The following CEP85L variants were observed in gnomAD, a reference collection of about 807,000 sequenced individuals.
CEP85L encodes centrosomal protein 85L, also known as centrosomal protein of 85 kDa-like.
In CEP85L, 60 loss-of-function variants were observed where a neutral mutation model predicts 100.3. The observed-to-expected ratio is 0.60, with a 90% CI of 0.49 to 0.74. CEP85L has a LOEUF of 0.74. CEP85L is among the 30% of genes least tolerant of loss of function. The probability of loss-of-function intolerance (pLI) is 0.00; values close to 1 mark genes in which losing one functional copy is unlikely to be tolerated. For missense variants in CEP85L, 973 were observed against 936.2 expected, an observed-to-expected ratio of 1.04 and a Z score of -0.51; for synonymous variants, 319 against 322.7, an observed-to-expected ratio of 0.99 and a Z score of 0.12.
At chr6:118,627,900 C>T (rs1169490221) in intron 2 of CEP85L, among the ~76,000 whole-genome samples, 2 of 152,078 alleles carry the variant, frequency 1.3e-5, no homozygotes, top group East Asian at 1.9e-4. Flanking sequence ...TCTAGTCTTC[C>T]GGGTGGTTAA....
chr6:118,469,442 A>G (rs772766278), intron 11 of CEP85L, 139 bp from the exon 12 acceptor site: 1 of 623,784 alleles, frequency 1.6e-6, no homozygotes, highest in Non-Finnish European at 2.8e-6. Flanking sequence ...AAATTCAACT[A>G]CATATATGCA....
intron 10 of CEP85L, among the ~76,000 whole-genome samples, chr6:118,471,722 G>A (rs1387998559): frequency 6.6e-6 from 1 of 150,830 alleles, no homozygotes; most frequent in Non-Finnish European, 1.5e-5. Context: ...TCTATAACAA[G>A]TGTTTCTCCT....
chr6:118,519,694 G>A (rs981817205), intron 4 of CEP85L, among the ~76,000 whole-genome samples: 6 of 151,490 alleles, frequency 4.0e-5, no homozygotes, highest in Admixed American at 1.3e-4. Flanking sequence ...TGGGTTTTTC[G>A]TTGACCTTTC....
Position 118,511,355 on chromosome 6 carries a change from T to C in CEP85L, c.1200A>G (p.Gln400=). 2 of 1,613,396 alleles carry C rather than the reference T, an allele frequency of 1.2e-6. No homozygotes were observed. Among genetic ancestry groups the C allele is most frequent in the South Asian group, 1.1e-5 (1 of 91,046 alleles). The change falls in exon 5 of 13, where the codon CAA becomes CAG. Residue 400 remains glutamine (Q), a synonymous_variant. Coordinates refer to ENST00000368491, the MANE Select transcript of CEP85L (RefSeq NM_001042475.3). ...TTACATAATGTCCTAACATGGCATG[T>C]TGAGCCCGTAATTCATTATCCCTTA... ...ERIRDNELRA[Q]HAMLGHYVNC...
At chr6:118,640,255 T>G (rs897851985) in intron 1 of CEP85L, among the ~76,000 whole-genome samples, 6 of 152,118 alleles carry the variant, frequency 3.9e-5, no homozygotes, top group Admixed American at 2.0e-4. Context: ...AATCCTCCAC[T>G]CCATTTCAGT....
intron 2 of CEP85L, among the ~76,000 whole-genome samples, chr6:118,580,141 G>A (rs1780485899): frequency 6.6e-6 from 1 of 152,118 alleles, no homozygotes; most frequent in South Asian, 2.1e-4. Context: ...GCTGCACTCA[G>A]GGTTCCCTCT....
intron 2 of CEP85L, among the ~76,000 whole-genome samples, chr6:118,617,136 G>C (rs1773111463): frequency 6.6e-6 from 1 of 152,170 alleles, no homozygotes; most frequent in Non-Finnish European, 1.5e-5. Flanking sequence ...CCTGGGTCGA[G>C]TAGGGGCTTG....
intron 3 of CEP85L, among the ~76,000 whole-genome samples, chr6:118,556,306 T>C (rs1267029456): frequency 1.3e-5 from 2 of 152,136 alleles, no homozygotes; most frequent in East Asian, 1.9e-4. Context: ...AAAATACAGG[T>C]AGTTAATAAC....
intron 2 of CEP85L, among the ~76,000 whole-genome samples, chr6:118,598,722 C>T (rs1330116538): frequency 6.6e-6 from 1 of 152,188 alleles, no homozygotes; most frequent in Non-Finnish European, 1.5e-5. Context: ...GTCTCCAAAA[C>T]TGTGAGAAAA....
At chr6:118,589,384 A>C (rs1423686959) in intron 2 of CEP85L, 4 of 248,024 alleles carry the variant, frequency 1.6e-5, no homozygotes, top group African/African-American at 6.9e-5. Context: ...GCATGCTACA[A>C]GGGAACTTTC....
rs758655434 is a variant in CEP85L at position 118,483,867 on chromosome 6, A to C, written c.1438-9T>G. ...CGATCTCTAGTTTTAAGCTAAAAGCAAACAATTATGAACCTTCAGTAGTTT... is the reference window on the plus strand; with the variant it reads ...CGATCTCTAGTTTTAAGCTAAAAGCCAACAATTATGAACCTTCAGTAGTTT... On this transcript the variant is annotated splice_polypyrimidine_tract_variant and intron_variant, in intron 6 of 12. Transcript: ENST00000368491. 2.5e-6 allele frequency: 4 copies of C among 1,610,760 alleles called. No homozygotes were observed. The highest frequency in any genetic ancestry group is 1.7e-4 in the Middle Eastern group (1 of 6,038).
chr6:118,481,723 T>C, intron 8 of CEP85L, 56 bp downstream of exon 8: 3 of 1,014,854 alleles, frequency 3.0e-6, no homozygotes, highest in Non-Finnish European at 4.2e-6. Flanking sequence ...TTAAGTAAAA[T>C]GTTTTATGAA....
chr6:118,462,989 T>TA lies in CEP85L; in HGVS notation c.*2415dup. On this transcript the variant is annotated 3_prime_UTR_variant, in exon 13 of 13. Coordinates refer to ENST00000368491, the MANE Select transcript of CEP85L (RefSeq NM_001042475.3). ...TCAATCTATAATTCAGCTAACTACT[T>TA]AAACTAGCACATCTTAACTCCCTTT... 6.6e-6 allele frequency: 1 copy of TA among 152,058 alleles called. No individual in the cohort carries two copies. Among genetic ancestry groups the TA allele is most frequent in the Non-Finnish European group, 1.5e-5 (1 of 67,888 alleles). 9.4% of individuals were successfully genotyped at this position (152,058 alleles called of 1,614,324 possible).
chr6:118,707,620 T>C (rs966692703), intron 1 of CEP85L, among the ~76,000 whole-genome samples: 6 of 152,238 alleles, frequency 3.9e-5, no homozygotes, highest in Middle Eastern at 3.2e-3. Context: ...GAGATGCTTA[T>C]GCATTTATTT....
chr6:118,641,592 T>C (rs2115352588), intron 1 of CEP85L, among the ~76,000 whole-genome samples: 1 of 152,284 alleles, frequency 6.6e-6, no homozygotes, highest in Non-Finnish European at 1.5e-5. Context: ...CATTTGATTT[T>C]TTCGTATGGG....
intron 2 of CEP85L, among the ~76,000 whole-genome samples, chr6:118,613,583 CCTCT>C (rs1169567604): frequency 6.6e-6 from 1 of 151,638 alleles, no homozygotes; most frequent in Non-Finnish European, 1.5e-5. Context: ...ATGGCAAAAT[CCTCT>C]CTCTACTAAA....
At chr6:118,655,593 G>A (rs1775760665), upstream of CEP85L, among the ~76,000 whole-genome samples, 1 of 152,212 alleles carries the variant, frequency 6.6e-6, no homozygotes, top group Non-Finnish European at 1.5e-5. Flanking sequence ...GGTTGGAAGT[G>A]TGGATTCAAG....
intron 3 of CEP85L, among the ~76,000 whole-genome samples, chr6:118,534,537 C>T (rs1460137221): frequency 6.6e-6 from 1 of 152,088 alleles, no homozygotes; most frequent in Non-Finnish European, 1.5e-5. Flanking sequence ...CCTGTAATCC[C>T]AGCTACTCAG....
chr6:118,586,305 C>T (rs1265623019), intron 2 of CEP85L, among the ~76,000 whole-genome samples: 5 of 152,164 alleles, frequency 3.3e-5, no homozygotes, highest in African/African-American at 1.2e-4. Flanking sequence ...ACTTTCCTTA[C>T]CAATGATTTT....
Sources: allele counts gnomAD v4.1 joint callset (sites outside exome capture counted in the v4.1 genomes callset), GRCh38; gene constraint gnomAD v4.1.1; transcripts MANE v1.5; gene names NCBI Gene and HGNC (gene_info 2026-07-23, HGNC 2026-07-21).